Variants in SLC15A2 observed in about 807,000 individuals in gnomAD.
The protein encoded by SLC15A2 is kidney H(+)/peptide cotransporter.
A neutral mutation model predicts 95.5 loss-of-function variants in SLC15A2; 77 were observed. That is an observed-to-expected ratio of 0.81 (90% CI 0.67 to 0.97). SLC15A2 has a LOEUF of 0.97. Among genes scored for constraint, SLC15A2 ranks in the 50% least tolerant of loss-of-function variants. SLC15A2 has a pLI of 0.00. For synonymous variants in SLC15A2, 306 were observed against 306.9 expected, an observed-to-expected ratio of 1.00 and a Z score of 0.03; for missense variants, 893 against 874.4, an observed-to-expected ratio of 1.02 and a Z score of -0.27.
intron 19 of SLC15A2, 133 bp downstream of exon 19, chr3:121,931,868 G>T (rs1710239808): frequency 4.9e-6 from 3 of 607,060 alleles, no homozygotes; most frequent in Admixed American, 5.7e-5. Flanking sequence ...TCTAGCATAA[G>T]ATGACAGGTT....
rs574293470 is a variant in SLC15A2 at position 121,938,102 on chromosome 3, T to C, written c.1762-1247T>C. 3.8e-3 allele frequency among the ~76,000 whole-genome samples: 572 copies of C among 151,694 alleles called. 1 individual carries two copies. The highest frequency in any genetic ancestry group is 0.013 in the African/African-American group (544 of 41,192). ...AGGGGTCAGGGGTCAGGGACCCACT[T>C]GAGGAGGCAGTCTGCCCGTTCTCAG... On this transcript the variant is annotated intron_variant, in intron 19 of 21. Coordinates refer to ENST00000489711, the MANE Select transcript of SLC15A2 (RefSeq NM_021082.4).
At chr3:121,928,063 T>C (rs1037683176) in intron 14 of SLC15A2, among the ~76,000 whole-genome samples, 2 of 152,168 alleles carry the variant, frequency 1.3e-5, no homozygotes, top group African/African-American at 2.4e-5. Flanking sequence ...TTCAGGGAAT[T>C]CTCAAACACT....
At chr3:121,940,085 C>T (rs1414367257) in intron 20 of SLC15A2, among the ~76,000 whole-genome samples, 1 of 152,108 alleles carries the variant, frequency 6.6e-6, no homozygotes, top group Non-Finnish European at 1.5e-5. Context: ...GGATTACAGG[C>T]TTGAGCTACT....
chr3:121,931,818 A>G, intron 19 of SLC15A2, 83 bp downstream of exon 19: 1 of 770,792 alleles, frequency 1.3e-6, no homozygotes, highest in Admixed American at 2.2e-5. Context: ...CAGAAAACAA[A>G]AGAGAAGACT....
chr3:121,916,333 C>T (rs556102587), intron 7 of SLC15A2, among the ~76,000 whole-genome samples: 1 of 152,260 alleles, frequency 6.6e-6, no homozygotes, highest in Non-Finnish European at 1.5e-5. Context: ...TTTACATAGC[C>T]TAAGGGAAAA....
At position 121,944,088 on chromosome 3, in the gene SLC15A2, C is replaced by G. The variant is rs1710508427; in HGVS notation, c.*3081C>G. Reference sequence around the variant, plus strand: ...AGAGGTATAAATGCAGTATTATAATCTAATGGGACCACCATCACATATTTG... The same window carrying G: ...AGAGGTATAAATGCAGTATTATAATGTAATGGGACCACCATCACATATTTG... On this transcript the variant is annotated 3_prime_UTR_variant, in exon 22 of 22. Coordinates refer to ENST00000489711, the MANE Select transcript of SLC15A2 (RefSeq NM_021082.4). 2 of 152,206 alleles carry G rather than the reference C, an allele frequency of 1.3e-5. No homozygotes were observed. Among genetic ancestry groups the G allele is most frequent in the Non-Finnish European group, 2.9e-5 (2 of 68,042 alleles). 9.4% of individuals were successfully genotyped at this position (152,206 alleles called of 1,614,324 possible).
chr3:121,927,994 G>A (rs1267329194), intron 14 of SLC15A2, among the ~76,000 whole-genome samples, 155 bp downstream of exon 14: 2 of 152,166 alleles, frequency 1.3e-5, no homozygotes, highest in Admixed American at 1.3e-4. Flanking sequence ...GTAGATACAG[G>A]GGTAAAACAG....
rs527902361 is a variant in SLC15A2, at chr3:121,938,308, C to G, written c.1762-1041C>G. On this transcript the variant is annotated intron_variant, in intron 19 of 21. Coordinates refer to ENST00000489711, the MANE Select transcript of SLC15A2 (RefSeq NM_021082.4). ...TGGGCTCCACCCAGTTGGAGCTTCT[C>G]GGCTGCTTTGTTTACCTAAGCAAGC... Among the ~76,000 whole-genome samples the G allele has an allele frequency of 6.0e-4, 92 of 152,344 alleles. 1 individual carries two copies. Among genetic ancestry groups the G allele is most frequent in the Non-Finnish European group, 9.6e-4 (65 of 68,032 alleles).
At chr3:121,912,180 ATGTGCCTG>A (rs1459942933) in intron 4 of SLC15A2, among the ~76,000 whole-genome samples, 1 of 152,148 alleles carries the variant, frequency 6.6e-6, no homozygotes, top group African/African-American at 2.4e-5. Flanking sequence ...TCATATTATA[ATGTGCCTG>A]TGTGCCTGTG....
At position 121,896,445 on chromosome 3, in the gene SLC15A2, A is replaced by G; in HGVS notation, c.145A>G (p.Ile49Val). The change falls in exon 2 of 22, where the codon ATT becomes GTT. Residue 49 changes from isoleucine (I) to valine (V), a missense_variant. By Grantham distance (29) the Ile-to-Val change is conservative. Coordinates refer to ENST00000489711, the MANE Select transcript of SLC15A2 (RefSeq NM_021082.4). ...GSNYPLSIAF[I>V]VVNEFCERFS... ...CAACTATCCACTGAGCATTGCCTTC[A>G]TTGTGGTGAATGAATTCTGCGAGCG... 7 of 1,614,152 alleles carry G rather than the reference A, an allele frequency of 4.3e-6. No homozygotes were observed. Among genetic ancestry groups the G allele is most frequent in the Non-Finnish European group, 5.9e-6 (7 of 1,179,994 alleles).
chr3:121,931,762 C>A, intron 19 of SLC15A2, 27 bp downstream of exon 19: 1 of 1,339,228 alleles, frequency 7.5e-7, no homozygotes, highest in South Asian at 1.2e-5. Flanking sequence ...CACCTCTTTA[C>A]CCTCTCTCCA....
chr3:121,921,856 A>G (rs1243798308), intron 7 of SLC15A2, among the ~76,000 whole-genome samples: 1 of 152,250 alleles, frequency 6.6e-6, no homozygotes, highest in Non-Finnish European at 1.5e-5. Flanking sequence ...ACTTGGTAAC[A>G]TTTCAGATAT....
At chr3:121,929,806 A>G (rs1051107926) in intron 17 of SLC15A2, among the ~76,000 whole-genome samples, 10 of 152,206 alleles carry the variant, frequency 6.6e-5, no homozygotes, top group Non-Finnish European at 1.5e-5. Flanking sequence ...TTGAATCCAG[A>G]TAAGGCTGAA....
chr3:121,913,374 C>A (rs1709813428), intron 5 of SLC15A2, among the ~76,000 whole-genome samples: 1 of 152,120 alleles, frequency 6.6e-6, no homozygotes, highest in Non-Finnish European at 1.5e-5. Context: ...GATAGTTAGC[C>A]TGGACAAGAA....
At chr3:121,908,234 G>C (rs1709694871) in intron 3 of SLC15A2, among the ~76,000 whole-genome samples, 1 of 152,192 alleles carries the variant, frequency 6.6e-6, no homozygotes, top group Admixed American at 6.5e-5. Flanking sequence ...TAAGACCTTT[G>C]GAAAAGCACA....
At chr3:121,938,766 C>G (rs1251626314) in intron 19 of SLC15A2, among the ~76,000 whole-genome samples, 1 of 152,254 alleles carries the variant, frequency 6.6e-6, no homozygotes, top group Non-Finnish European at 1.5e-5. Context: ...GGAGCTGTTC[C>G]TATTCGGCCA....
In SLC15A2 at chr3:121,922,780, T is replaced by C. The variant is rs1332883368; in HGVS notation, c.786T>C (p.Ala262=). 8 of 1,613,076 alleles carry C rather than the reference T, an allele frequency of 5.0e-6. No homozygotes were observed. Among genetic ancestry groups the C allele is most frequent in the Non-Finnish European group, 6.8e-6 (8 of 1,179,246 alleles). Residue 262 remains alanine (A), a synonymous_variant, in exon 9 of 22, where the codon GCT becomes GCC. Transcript: ENST00000489711. ...VAQVFKCIWF[A]ISNRFKNRSG... ...ATGTCTACTCTCTGCCCTAGTTTGC[T>C]ATTTCCAATCGTTTCAAGAACCGTT...
chr3:121,935,689 A>T lies in SLC15A2; in HGVS notation c.1762-3660A>T, dbSNP rs566931685. 1.9e-4 allele frequency among the ~76,000 whole-genome samples: 29 copies of T among 151,850 alleles called. No homozygotes were observed. In the East Asian group the frequency reaches 5.6e-3, roughly 29 times the overall value. On this transcript the variant is annotated intron_variant, in intron 19 of 21. Coordinates refer to ENST00000489711, the MANE Select transcript of SLC15A2 (RefSeq NM_021082.4). ...TATTAGTCTTGCTAGCAGTCTATCA[A>T]TTTTGTTGATCCTTTCAAAAAACCA...
At position 121,943,392 on chromosome 3, in the gene SLC15A2, A is replaced by G. The variant is rs1352296513; in HGVS notation, c.*2385A>G. 2 of 152,154 alleles carry G rather than the reference A, an allele frequency of 1.3e-5. No individual in the cohort carries two copies. Among genetic ancestry groups the G allele is most frequent in the African/African-American group, 4.8e-5 (2 of 41,442 alleles). The allele number at this position is 152,154 out of a possible 1,614,324, so 9.4% of individuals were successfully genotyped here. A position where few individuals can be genotyped will look rare whatever the true frequency, so the allele number is the denominator to read the frequency against. ...CAAGGTAAAGATTCTCGGTTCCTGT[A>G]ATGGTTCCTCACCAGGCATAATTTG... On this transcript the variant is annotated 3_prime_UTR_variant, in exon 22 of 22. Coordinates refer to ENST00000489711, the MANE Select transcript of SLC15A2 (RefSeq NM_021082.4).
Sources: allele counts gnomAD v4.1 joint callset (sites outside exome capture counted in the v4.1 genomes callset), GRCh38; gene constraint gnomAD v4.1.1; transcripts MANE v1.5; gene names NCBI Gene and HGNC (gene_info 2026-07-23, HGNC 2026-07-21).